Variants in MICU2 observed in about 807,000 individuals in gnomAD.
The protein encoded by MICU2 is mitochondrial calcium uptake 2.
MICU2 carries 64 observed loss-of-function variants against 60.4 expected under a neutral mutation model. That is an observed-to-expected ratio of 1.06 (90% CI 0.87 to 1.31). The LOEUF (loss-of-function observed/expected upper bound fraction) is 1.31, where lower values mean the gene tolerates loss of function less well. MICU2 is among the 50% of genes most tolerant of loss of function. MICU2 has a pLI of 0.00. For synonymous variants in MICU2, 201 were observed against 175.0 expected, an observed-to-expected ratio of 1.15 and a Z score of -1.17; for missense variants, 569 against 531.0, an observed-to-expected ratio of 1.07 and a Z score of -0.70.
intron 9 of MICU2, 99 bp from the exon 10 acceptor site, chr13:21,496,259 C>A: frequency 1.2e-6 from 1 of 851,998 alleles, no homozygotes; most frequent in Non-Finnish European, 1.8e-6. Flanking sequence ...AGACTAGTAT[C>A]ATTCTAAGAG....
At chr13:21,555,136 T>A (rs576254804) in intron 2 of MICU2, among the ~76,000 whole-genome samples, 1 of 151,982 alleles carries the variant, frequency 6.6e-6, no homozygotes, top group Non-Finnish European at 1.5e-5. Context: ...TTCCAATCAA[T>A]AGAAAAAGAG....
At chr13:21,602,455 G>C (rs2138083260) in intron 1 of MICU2, among the ~76,000 whole-genome samples, 1 of 152,268 alleles carries the variant, frequency 6.6e-6, no homozygotes, top group African/African-American at 2.4e-5. Flanking sequence ...CCGGGAGGCG[G>C]AGCTTGCAGT....
chr13:21,496,952 C>T (rs1185959956), intron 9 of MICU2, among the ~76,000 whole-genome samples: 2 of 152,122 alleles, frequency 1.3e-5, no homozygotes, highest in African/African-American at 4.8e-5. Flanking sequence ...GTCCCAGCTA[C>T]TTGGGAGGCT....
rs1306734878 is a variant in MICU2, at chr13:21,525,234, C to T, written c.467-2584G>A. ...TTGAGATGGAGTCTTGCTCTGTCGC[C>T]CAGGCTGGAGTGCAGTGGTGCGATC... On this transcript the variant is annotated intron_variant, in intron 4 of 11. Transcript: ENST00000382374. 5.9e-5 allele frequency among the ~76,000 whole-genome samples: 8 copies of T among 136,610 alleles called. No individual in the cohort carries two copies. The East Asian group carries it at 1.7e-3, about 29-fold the overall frequency. The allele number at this position is 136,610 out of a possible 152,430, so 89.6% of individuals were successfully genotyped here.
intron 4 of MICU2, among the ~76,000 whole-genome samples, chr13:21,523,826 T>C (rs938633506): frequency 2.6e-5 from 4 of 152,240 alleles, no homozygotes; most frequent in Non-Finnish European, 5.9e-5. Flanking sequence ...CATTTTTATT[T>C]TGTGCTGGGC....
At chr13:21,581,504 T>C (rs1392654554) in intron 1 of MICU2, among the ~76,000 whole-genome samples, 1 of 152,194 alleles carries the variant, frequency 6.6e-6, no homozygotes, top group Non-Finnish European at 1.5e-5. Context: ...GTTTGTGCAT[T>C]TTTTTGGGAA....
chr13:21,563,127 T>A (rs2476639), intron 2 of MICU2, among the ~76,000 whole-genome samples: 4 of 151,990 alleles, frequency 2.6e-5, no homozygotes, highest in Admixed American at 6.6e-5. Flanking sequence ...CTTCTTTGGC[T>A]TCTTTCAAGA....
chr13:21,559,965 T>C (rs374627277), intron 2 of MICU2, among the ~76,000 whole-genome samples: 3 of 152,370 alleles, frequency 2.0e-5, no homozygotes, highest in South Asian at 2.1e-4. Flanking sequence ...TAGTCACTAA[T>C]AAGGGTAAAC....
chr13:21,512,445 A>ATTT (rs139822285), intron 7 of MICU2, among the ~76,000 whole-genome samples: 53 of 125,230 alleles, frequency 4.2e-4, no homozygotes, highest in South Asian at 2.3e-3. Flanking sequence ...CAAATTTTTA[A>ATTT]TTTTTTTTTT....
chr13:21,522,933 C>T (rs988831050), intron 4 of MICU2, among the ~76,000 whole-genome samples: 3 of 152,172 alleles, frequency 2.0e-5, no homozygotes, highest in Admixed American at 1.3e-4. Flanking sequence ...CCAGATTAAA[C>T]ATCATTTCTG....
chr13:21,552,093 CTGT>C (rs1305465274), intron 2 of MICU2, among the ~76,000 whole-genome samples: 1 of 152,038 alleles, frequency 6.6e-6, no homozygotes, highest in Admixed American at 6.6e-5. Flanking sequence ...TCTCCAGCAC[CTGT>C]TGTTTCCTGA....
At chr13:21,577,665 T>G (rs1282473450) in intron 1 of MICU2, among the ~76,000 whole-genome samples, 1 of 151,456 alleles carries the variant, frequency 6.6e-6, no homozygotes, top group Non-Finnish European at 1.5e-5. Context: ...ATTAGCTAGG[T>G]GTGGTGGCGT....
intron 2 of MICU2, among the ~76,000 whole-genome samples, chr13:21,551,848 C>CT (rs1566157698): frequency 6.6e-6 from 1 of 151,966 alleles, no homozygotes; most frequent in Non-Finnish European, 1.5e-5. Context: ...GGACATTTGG[C>CT]TTGGTTCCAA....
intron 4 of MICU2, among the ~76,000 whole-genome samples, chr13:21,537,592 C>T (rs184259497): frequency 1.7e-4 from 26 of 152,052 alleles, no homozygotes; most frequent in Non-Finnish European, 2.9e-5. Flanking sequence ...GCCTCAGCCT[C>T]CTGAGTAGCT....
intron 1 of MICU2, among the ~76,000 whole-genome samples, chr13:21,601,842 A>T (rs1445498552): frequency 6.6e-6 from 1 of 152,238 alleles, no homozygotes; most frequent in Non-Finnish European, 1.5e-5. Context: ...GCTGTGGCTC[A>T]CGCCAGTAAT....
intron 1 of MICU2, among the ~76,000 whole-genome samples, chr13:21,587,550 C>T (rs762404765): frequency 7.2e-5 from 11 of 152,148 alleles, no homozygotes; most frequent in Non-Finnish European, 1.0e-4. Flanking sequence ...CTGGAGATAG[C>T]CACTACTCAA....
At chr13:21,530,756 C>T (rs886989282) in intron 4 of MICU2, 9 of 580,482 alleles carry the variant, frequency 1.6e-5, no homozygotes, top group Non-Finnish European at 2.5e-5. Flanking sequence ...GCCCCCACCC[C>T]AGCCATACCC....
At chr13:21,523,827 T>C (rs1275384788) in intron 4 of MICU2, among the ~76,000 whole-genome samples, 1 of 152,248 alleles carries the variant, frequency 6.6e-6, no homozygotes, top group African/African-American at 2.4e-5. Flanking sequence ...ATTTTTATTT[T>C]GTGCTGGGCT....
In MICU2 at chr13:21,502,768, C is replaced by T; in HGVS notation, c.933+158G>A. On this transcript the variant is annotated intron_variant, in intron 9 of 11. Coordinates refer to ENST00000382374, the MANE Select transcript of MICU2 (RefSeq NM_152726.3). The stretch of plus-strand genomic sequence containing the variant: ...CACTGATTCTGTCTTAGGCAGTTTT[C>T]CTTTACAGGAGAAGAGCATGTAGAG... 3 of 588,526 alleles carry T rather than the reference C, an allele frequency of 5.1e-6. No homozygotes were observed. In the South Asian group the frequency reaches 6.9e-5, roughly 14 times the overall value. 36.5% of individuals were successfully genotyped at this position (588,526 alleles called of 1,614,324 possible). A position where few individuals can be genotyped will look rare whatever the true frequency, so the allele number is the denominator to read the frequency against.
Sources: gnomAD v4.1 joint callset for allele counts (sites outside exome capture counted in the v4.1 genomes callset) on GRCh38, gnomAD v4.1.1 for gene constraint, MANE v1.5 for transcripts, NCBI Gene and HGNC (gene_info 2026-07-23, HGNC 2026-07-21) for gene names.